The following MICU1 variants were observed in gnomAD, a reference collection of about 807,000 sequenced individuals.
The protein encoded by MICU1 is calcium uptake protein 1, mitochondrial.
A neutral mutation model predicts 56.8 loss-of-function variants in MICU1; 45 were observed. That is an observed-to-expected ratio of 0.79 (90% CI 0.62 to 1.02). MICU1 has a LOEUF of 1.02. MICU1 is among the 50% of genes least tolerant of loss of function. The probability of loss-of-function intolerance (pLI) is 0.00; values close to 1 mark genes in which losing one functional copy is unlikely to be tolerated. For synonymous variants in MICU1, 186 were observed against 195.1 expected (o/e 0.95, Z 0.39); for missense variants, 504 against 587.1 (o/e 0.86, Z 1.46).
intron 7 of MICU1, 82 bp downstream of exon 7, chr10:72,477,092 C>G: frequency 9.4e-7 from 1 of 1,067,702 alleles, no homozygotes; most frequent in Non-Finnish European, 1.3e-6. Context: ...AGTATACTGA[C>G]CAAGGCTAAG....
intron 1 of MICU1, among the ~76,000 whole-genome samples, chr10:72,607,435 T>TC (rs1760399820): frequency 6.6e-6 from 1 of 150,758 alleles, no homozygotes; most frequent in Non-Finnish European, 1.5e-5. Flanking sequence ...GGCCAGGAGA[T>TC]CGAGACCTTC....
intron 1 of MICU1, among the ~76,000 whole-genome samples, chr10:72,623,135 G>A (rs1842143510): frequency 6.6e-6 from 1 of 151,626 alleles, no homozygotes; most frequent in South Asian, 2.1e-4. Flanking sequence ...CGGGCGTGGT[G>A]GCGCACGCTC....
intron 8 of MICU1, among the ~76,000 whole-genome samples, chr10:72,436,544 G>A (rs1324260826): frequency 6.6e-6 from 1 of 152,212 alleles, no homozygotes; most frequent in South Asian, 2.1e-4. Context: ...ACAGAACAAA[G>A]CTAGACAGAG....
intron 5 of MICU1, among the ~76,000 whole-genome samples, chr10:72,530,829 C>A (rs1280130808): frequency 6.6e-6 from 1 of 152,098 alleles, no homozygotes; most frequent in Non-Finnish European, 1.5e-5. Context: ...TTACAGGGAA[C>A]CTTCTAGTTA....
rs762716184 is a variant in MICU1, at chr10:72,368,282, G to A, written c.1344C>T (p.Pro448=). ...KQRLMRGLEK[P]KDMGFTRLMQ... ...TGAGGCGAGTGAAACCCATGTCTTTGGGCTTTTCCAGGCCTCTCATCAGCC... is the reference window on the plus strand; with the variant it reads ...TGAGGCGAGTGAAACCCATGTCTTTAGGCTTTTCCAGGCCTCTCATCAGCC... The change falls in exon 12 of 12, where the codon CCC becomes CCT. Residue 448 remains proline, a synonymous_variant. Transcript: ENST00000361114. 1.2e-6 allele frequency: 2 copies of A among 1,613,964 alleles called. No individual in the cohort carries two copies. The highest frequency in any genetic ancestry group is 1.3e-5 in the African/African-American group (1 of 75,014).
chr10:72,581,891 C>G (rs1481291514), intron 1 of MICU1, among the ~76,000 whole-genome samples: 1 of 152,114 alleles, frequency 6.6e-6, no homozygotes, highest in African/African-American at 2.4e-5. Flanking sequence ...GTACTTTGTA[C>G]ATTTTGGAGA....
chr10:72,478,183 C>T (rs1258564899), intron 6 of MICU1, among the ~76,000 whole-genome samples: 1 of 152,022 alleles, frequency 6.6e-6, no homozygotes, highest in East Asian at 1.9e-4. Flanking sequence ...CCCCCTATTT[C>T]GATCATGTCA....
At chr10:72,495,252 C>T (rs1866799318) in intron 6 of MICU1, among the ~76,000 whole-genome samples, 2 of 149,170 alleles carry the variant, frequency 1.3e-5, no homozygotes, top group Non-Finnish European at 3.0e-5. Context: ...AAAAAAAAAT[C>T]ATCTGCTTGA....
chr10:72,555,759 T>C (rs763721254), intron 3 of MICU1, among the ~76,000 whole-genome samples: 3 of 152,216 alleles, frequency 2.0e-5, no homozygotes, highest in Non-Finnish European at 2.9e-5. Context: ...TGCATGGTAG[T>C]CCATATCACC....
At chr10:72,570,844 T>C (rs1321191752) in intron 1 of MICU1, among the ~76,000 whole-genome samples, 4 of 152,060 alleles carry the variant, frequency 2.6e-5, no homozygotes, top group African/African-American at 9.7e-5. Flanking sequence ...CATTATATTT[T>C]CTTCCTGTCT....
chr10:72,595,991 T>TG (rs1841370293), intron 1 of MICU1, among the ~76,000 whole-genome samples: 1 of 149,452 alleles, frequency 6.7e-6, no homozygotes, highest in African/African-American at 2.4e-5. Flanking sequence ...TTTTCTTTTT[T>TG]TTTTTTTTTT....
chr10:72,533,678 T>C (rs376732906), intron 5 of MICU1, 68 bp downstream of exon 5: 24 of 1,175,468 alleles, frequency 2.0e-5, no homozygotes, highest in Non-Finnish European at 1.9e-5. Flanking sequence ...AACATAACTA[T>C]AGAGGAACTT....
intron 8 of MICU1, among the ~76,000 whole-genome samples, chr10:72,465,656 G>A (rs938018507): frequency 6.6e-6 from 1 of 151,790 alleles, no homozygotes; most frequent in African/African-American, 2.4e-5. Flanking sequence ...TGGAATTACA[G>A]GTACCTGCCA....
chr10:72,447,156 C>T (rs1233570040), intron 8 of MICU1, among the ~76,000 whole-genome samples: 2 of 152,084 alleles, frequency 1.3e-5, no homozygotes, highest in Non-Finnish European at 2.9e-5. Flanking sequence ...CAAAGGTTTA[C>T]GGAAACAGGA....
chr10:72,545,621 T>C (rs1034784181), intron 4 of MICU1, among the ~76,000 whole-genome samples: 2 of 152,134 alleles, frequency 1.3e-5, no homozygotes, highest in African/African-American at 2.4e-5. Flanking sequence ...GTTCTTATTA[T>C]GTAAATAAAG....
intron 8 of MICU1, among the ~76,000 whole-genome samples, chr10:72,465,473 C>T (rs1206067460): frequency 4.1e-5 from 6 of 145,822 alleles, no homozygotes; most frequent in African/African-American, 1.5e-4. Flanking sequence ...AACCCATTTG[C>T]CGTCACATGG....
intron 6 of MICU1, among the ~76,000 whole-genome samples, chr10:72,492,189 C>T (rs1161818082): frequency 5.9e-5 from 9 of 152,166 alleles, no homozygotes; most frequent in East Asian, 1.9e-4. Flanking sequence ...TACTCTGAGA[C>T]GGACTGGAAG....
intron 10 of MICU1, among the ~76,000 whole-genome samples, chr10:72,400,583 T>A (rs188022108): frequency 4.6e-5 from 7 of 151,814 alleles, no homozygotes; most frequent in Admixed American, 4.6e-4. Flanking sequence ...CCAACTCTAC[T>A]AAAAATACAA....
intron 6 of MICU1, among the ~76,000 whole-genome samples, chr10:72,490,831 G>A (rs895714879): frequency 6.6e-6 from 1 of 152,168 alleles, no homozygotes; most frequent in African/African-American, 2.4e-5. Flanking sequence ...AATTTTGTTG[G>A]ATGAAGAACT....
Sources: gnomAD v4.1 joint callset for allele counts (sites outside exome capture counted in the v4.1 genomes callset) on GRCh38, gnomAD v4.1.1 for gene constraint, MANE v1.5 for transcripts, NCBI Gene and HGNC (gene_info 2026-07-23, HGNC 2026-07-21) for gene names.